Variants in RBBP8 observed in about 807,000 individuals in gnomAD.
RBBP8 encodes RB binding protein 8, endonuclease, also known as DNA endonuclease RBBP8.
In RBBP8, 88 loss-of-function variants were observed where a neutral mutation model predicts 108.3. The observed-to-expected ratio is 0.81, with a 90% CI of 0.68 to 0.97. RBBP8 has a LOEUF of 0.97. Ranked by LOEUF, RBBP8 falls within the 50% of genes least tolerant of loss-of-function variation. The probability of loss-of-function intolerance (pLI) is 0.00; values close to 1 mark genes in which losing one functional copy is unlikely to be tolerated. For missense variants in RBBP8, 1,023 were observed against 1,049.0 expected (o/e 0.98, Z 0.34); for synonymous variants, 332 against 348.2 (o/e 0.95, Z 0.52).
chr18:22,976,067 T>C (rs867007797), intron 6 of RBBP8, among the ~76,000 whole-genome samples: 1 of 152,162 alleles, frequency 6.6e-6, no homozygotes, highest in Middle Eastern at 3.2e-3. Context: ...TAAGTAGACA[T>C]CTACAAAAAC....
intron 15 of RBBP8, among the ~76,000 whole-genome samples, chr18:23,001,992 T>C (rs915609044): frequency 3.9e-5 from 6 of 152,212 alleles, no homozygotes; most frequent in Admixed American, 2.6e-4. Flanking sequence ...TTATTAGAAC[T>C]AAGAAACTAA....
chr18:22,919,280 T>C (rs1053929770), intron 3 of RBBP8, among the ~76,000 whole-genome samples: 2 of 152,172 alleles, frequency 1.3e-5, no homozygotes, highest in Non-Finnish European at 2.9e-5. Context: ...TTCCAATGAA[T>C]GAATAAAGAG....
At chr18:22,946,822 G>A (rs557620016) in intron 3 of RBBP8, among the ~76,000 whole-genome samples, 1 of 152,144 alleles carries the variant, frequency 6.6e-6, no homozygotes, top group South Asian at 2.1e-4. Flanking sequence ...GGAGTTCTTT[G>A]TTGAGCCATA....
chr18:22,939,502 G>C (rs994021371), intron 2 of RBBP8, among the ~76,000 whole-genome samples: 1 of 151,920 alleles, frequency 6.6e-6, no homozygotes, highest in African/African-American at 2.4e-5. Context: ...CTCCACCCTG[G>C]GCAACAAGAG....
rs1910173887 is a variant in RBBP8, at chr18:22,933,381, G to T, written c.-282G>T. The stretch of plus-strand genomic sequence containing the variant: ...GGCGGGTCCGGCCGCCTCCGAGCCC[G>T]GCCGGCAGCCCCCGGCCTTAAAGCG... On this transcript the variant is annotated 5_prime_UTR_variant, in exon 1 of 19. Transcript: ENST00000327155. The T allele has an allele frequency of 2.0e-5, 3 of 153,052 alleles. No individual in the cohort carries two copies. Among genetic ancestry groups the T allele is most frequent in the Non-Finnish European group, 4.4e-5 (3 of 68,138 alleles). 9.5% of individuals were successfully genotyped at this position (153,052 alleles called of 1,614,324 possible). A position where few individuals can be genotyped will look rare whatever the true frequency, so the allele number is the denominator to read the frequency against.
chr18:22,996,527 C>T lies in RBBP8; in HGVS notation c.2028+65C>T, dbSNP rs937244452. 4 of 1,584,272 alleles carry T rather than the reference C, an allele frequency of 2.5e-6. No individual in the cohort carries two copies. The African/African-American group carries it at 5.4e-5, about 21-fold the overall frequency. ...TTCCAATGAGTTGTTAGTCAACCTC[C>T]TCTCGTGACTCACTGTATCACCTTA... On this transcript the variant is annotated intron_variant, in intron 13 of 18. Coordinates refer to ENST00000327155, the MANE Select transcript of RBBP8 (RefSeq NM_002894.3).
chr18:22,990,979 C>T lies in RBBP8; in HGVS notation c.850C>T (p.His284Tyr). 1 of 1,613,772 alleles carries T rather than the reference C, an allele frequency of 6.2e-7. No homozygotes were observed. The highest frequency in any genetic ancestry group is 8.5e-7 in the Non-Finnish European group (1 of 1,179,796). ...PMSPLGDELY[H>Y]CLEGNHKKQP... ...GAGCCCCCTTGGTGATGAGCTCTAC[C>T]ACTGTCTGGAAGGAAATCACAAGAA... is the stretch of plus-strand genomic sequence containing the variant. Residue 284 changes from histidine (H) to tyrosine (Y), a missense_variant, in exon 10 of 19, where the codon CAC (histidine) becomes TAC (tyrosine). Physicochemically the swap from His to Tyr is moderately conservative, Grantham distance 83. Transcript: ENST00000327155.
intron 4 of RBBP8, among the ~76,000 whole-genome samples, chr18:22,967,673 G>T (rs1913730432): frequency 7.0e-6 from 1 of 143,732 alleles, no homozygotes; most frequent in Non-Finnish European, 1.5e-5. Context: ...TTGAGACGGA[G>T]TCTCGCTTTG....
At chr18:22,942,211 A>G (rs895756032) in intron 2 of RBBP8, among the ~76,000 whole-genome samples, 7 of 152,128 alleles carry the variant, frequency 4.6e-5, no homozygotes, top group Admixed American at 2.0e-4. Flanking sequence ...GCTTCATGTC[A>G]GTAAAAAATA....
At chr18:22,975,091 A>C (rs1166667627) in intron 5 of RBBP8, 62 bp from the exon 6 acceptor site, 1 of 1,494,522 alleles carries the variant, frequency 6.7e-7, no homozygotes, top group Admixed American at 2.0e-5. Context: ...TTTTATTTGA[A>C]AGCCTAACAT....
intron 6 of RBBP8, among the ~76,000 whole-genome samples, chr18:22,976,180 T>C (rs543765569): frequency 6.6e-6 from 1 of 152,250 alleles, no homozygotes; most frequent in Admixed American, 6.5e-5. Context: ...GGTATACTTT[T>C]AGGATAATGG....
At chr18:22,977,604 C>G (rs1178506427) in intron 6 of RBBP8, among the ~76,000 whole-genome samples, 1 of 152,044 alleles carries the variant, frequency 6.6e-6, no homozygotes, top group East Asian at 1.9e-4. Flanking sequence ...TGCATTCAAC[C>G]CTCTTCTAAA....
chr18:22,944,072 A>G (rs1295008146), intron 2 of RBBP8, among the ~76,000 whole-genome samples: 3 of 152,220 alleles, frequency 2.0e-5, no homozygotes, highest in Non-Finnish European at 4.4e-5. Context: ...CAGGAGCTAC[A>G]TTGTTGTATA....
intron 2 of RBBP8, among the ~76,000 whole-genome samples, chr18:22,938,121 C>T (rs1008430072): frequency 4.0e-5 from 6 of 151,766 alleles, no homozygotes; most frequent in Non-Finnish European, 8.8e-5. Flanking sequence ...GCTGCTGTGC[C>T]CAGCTGATCT....
intron 2 of RBBP8, among the ~76,000 whole-genome samples, chr18:22,945,783 A>G (rs1001780708): frequency 1.3e-5 from 2 of 151,958 alleles, no homozygotes; most frequent in African/African-American, 4.8e-5. Context: ...TGATGTATGT[A>G]TTTTCATATT....
Position 22,992,998 on chromosome 18 carries a change from G to T in RBBP8, c.1171G>T (p.Gly391Trp). ...DSALFTHHSLGSEVNKIIIQS... is the reference protein window; with the variant it reads ...DSALFTHHSLWSEVNKIIIQS... ...TGCCCTTTTCACACATCACAGTCTT[G>T]GGTCTGAAGTGAACAAGATCATTAT... is the stretch of plus-strand genomic sequence containing the variant. The change falls in exon 11 of 19, where the codon GGG (glycine) becomes TGG (tryptophan). Residue 391 changes from glycine to tryptophan, a missense_variant. By Grantham distance (184) the Gly-to-Trp change is radical. Transcript: ENST00000327155. The T allele has an allele frequency of 6.2e-7, 1 of 1,613,544 alleles. No homozygotes were observed. The highest frequency in any genetic ancestry group is 1.1e-5 in the South Asian group (1 of 91,054).
At chr18:22,927,457 G>C (rs1206737785) in intron 3 of RBBP8, among the ~76,000 whole-genome samples, 1 of 152,066 alleles carries the variant, frequency 6.6e-6, no homozygotes, top group Non-Finnish European at 1.5e-5. Flanking sequence ...AACCTCATTT[G>C]TTCACTCATT....
chr18:22,920,235 A>C lies in RBBP8; in HGVS notation c.-154+3209A>C, dbSNP rs573730990. On this transcript the variant is annotated intron_variant, in intron 3 of 4. Coordinates refer to the RBBP8 transcript ENST00000577588. ...CTTGATCCCAAGAGATCAAGGCTGC[A>C]GTGAGCTGTCTTCACACTACTATAC... Among the ~76,000 whole-genome samples, 547 of 152,316 alleles carry C rather than the reference A, an allele frequency of 3.6e-3. 1 individual carries two copies. Among genetic ancestry groups the C allele is most frequent in the Non-Finnish European group, 5.5e-3 (375 of 68,026 alleles).
rs561486387 is a variant in RBBP8 at position 23,022,002 on chromosome 18, G to T, written c.2455-127G>T. 54 of 760,476 alleles carry T rather than the reference G, an allele frequency of 7.1e-5. No individual in the cohort carries two copies. In the African/African-American group the frequency reaches 7.9e-4, roughly 11 times the overall value. 47.1% of individuals were successfully genotyped at this position (760,476 alleles called of 1,614,324 possible). ...AATTACTAATAGTATCATCAATGAG[G>T]ATTAAGTTTCCTTAGACTGCTGAAT... On this transcript the variant is annotated intron_variant, in intron 17 of 18. Coordinates refer to ENST00000327155, the MANE Select transcript of RBBP8 (RefSeq NM_002894.3).
Sources: gnomAD v4.1 joint callset for allele counts (sites outside exome capture counted in the v4.1 genomes callset) on GRCh38, gnomAD v4.1.1 for gene constraint, MANE v1.5 for transcripts, NCBI Gene and HGNC (gene_info 2026-07-23, HGNC 2026-07-21) for gene names.